Variants in TANC1 observed in about 807,000 individuals in gnomAD.
The protein encoded by TANC1 is tetratricopeptide repeat, ankyrin repeat and coiled-coil containing 1.
A neutral mutation model predicts 149.7 loss-of-function variants in TANC1; 77 were observed. The ratio of observed to expected loss-of-function variants is 0.51; its 90% confidence interval spans 0.43 to 0.62. TANC1 has a LOEUF of 0.62. Among genes scored for constraint, TANC1 ranks in the 20% least tolerant of loss-of-function variants. The probability of loss-of-function intolerance (pLI) is 0.00; values close to 1 mark genes in which losing one functional copy is unlikely to be tolerated. For missense variants in TANC1, 1,985 were observed against 2,321.8 expected, an observed-to-expected ratio of 0.85 and a Z score of 2.98; for synonymous variants, 854 against 925.0, an observed-to-expected ratio of 0.92 and a Z score of 1.39.
intron 19 of TANC1, among the ~76,000 whole-genome samples, chr2:159,206,726 T>G (rs934837560): frequency 6.6e-6 from 1 of 152,222 alleles, no homozygotes; most frequent in African/African-American, 2.4e-5. Context: ...TTCTGTGTTT[T>G]GGGGGCCAGA....
At chr2:159,185,551 G>T (rs990515794) in intron 14 of TANC1, among the ~76,000 whole-genome samples, 1 of 152,228 alleles carries the variant, frequency 6.6e-6, no homozygotes, top group Non-Finnish European at 1.5e-5. Context: ...TAGGCCCAGG[G>T]ATGGTTCTGT....
chr2:159,230,576 G>C lies in TANC1; in HGVS notation c.5150G>C (p.Arg1717Thr), dbSNP rs1273041984. The C allele has an allele frequency of 1.2e-6, 2 of 1,614,196 alleles. No homozygotes were observed. The highest frequency in any genetic ancestry group is 1.1e-5 in the South Asian group (1 of 91,088). The change falls in exon 27 of 27, where the codon AGA (arginine) becomes ACA (threonine). Residue 1717 changes from arginine to threonine, a missense_variant. Arg to Thr is a moderately conservative substitution (Grantham distance 71). This residue lies in a region of TANC1 where 920 missense variants were observed against 994.7 expected (regional missense o/e 0.92). Transcript: ENST00000263635. This position sits in a 1 kb window ranked among gnomAD's most constrained non-coding sequence, Gnocchi z 4.4. ...GTTCAGAGCGGTACAGCTGAGCACAGACCCCGCAACACGCCGTTCATGGGC... is the reference window on the plus strand; with the variant it reads ...GTTCAGAGCGGTACAGCTGAGCACACACCCCGCAACACGCCGTTCATGGGC... ...THVQSGTAEH[R>T]PRNTPFMGIM...
intron 3 of TANC1, among the ~76,000 whole-genome samples, chr2:159,083,882 T>C (rs1559226365): frequency 6.6e-6 from 1 of 152,194 alleles, no homozygotes; most frequent in Non-Finnish European, 1.5e-5. Flanking sequence ...GTGAATTTTT[T>C]TTTTTTTGGT....
intron 2 of TANC1, among the ~76,000 whole-genome samples, chr2:159,054,021 C>T (rs2041664436): frequency 6.6e-6 from 1 of 152,190 alleles, no homozygotes; most frequent in Non-Finnish European, 1.5e-5. Context: ...GCATGGGATG[C>T]TGCTCTAGGA....
chr2:159,091,970 G>GT (rs1559242378), intron 3 of TANC1, among the ~76,000 whole-genome samples: 1 of 148,856 alleles, frequency 6.7e-6, no homozygotes, highest in Non-Finnish European at 1.5e-5. Flanking sequence ...ATAGGGGGGG[G>GT]TGTGTGTGTG....
intron 4 of TANC1, among the ~76,000 whole-genome samples, chr2:159,129,420 A>G (rs2049840801): frequency 6.6e-6 from 1 of 152,212 alleles, no homozygotes; most frequent in Admixed American, 6.5e-5. Context: ...AGATTTATGT[A>G]AAGGCAGAAT....
chr2:158,997,329 C>A (rs1405635839), intron 1 of TANC1, among the ~76,000 whole-genome samples: 2 of 152,174 alleles, frequency 1.3e-5, no homozygotes, highest in Non-Finnish European at 2.9e-5. Context: ...AAAGCTAGAA[C>A]GAACCTTGTG....
intron 3 of TANC1, among the ~76,000 whole-genome samples, chr2:159,079,346 CTTTTTTTTT>C (rs68143585): frequency 4.5e-5 from 5 of 109,920 alleles, no homozygotes; most frequent in Admixed American, 4.1e-4. Flanking sequence ...GTGTGTGTGT[CTTTTTTTTT>C]TTTTTTTTTT....
At chr2:159,091,294 G>A (rs1473325687) in intron 3 of TANC1, among the ~76,000 whole-genome samples, 3 of 152,086 alleles carry the variant, frequency 2.0e-5, no homozygotes, top group African/African-American at 7.2e-5. Context: ...TCTGAAAAGG[G>A]GGCTAATAGC....
chr2:158,977,543 T>C (rs1321245657), intron 1 of TANC1, among the ~76,000 whole-genome samples: 2 of 151,902 alleles, frequency 1.3e-5, no homozygotes, highest in African/African-American at 4.8e-5. Flanking sequence ...ACTCCTGAGC[T>C]CAAGTGATCT....
intron 2 of TANC1, among the ~76,000 whole-genome samples, chr2:159,051,110 G>A (rs758445398): frequency 3.3e-5 from 5 of 152,130 alleles, no homozygotes; most frequent in African/African-American, 7.2e-5. Flanking sequence ...TACATCCACC[G>A]TCTCTAATTC....
rs1211731959 is a variant in TANC1, at chr2:159,219,832, T to C, written c.3643T>C (p.Leu1215=). Residue 1215 remains leucine, a synonymous_variant, in exon 22 of 27, where the codon TTG becomes CTG. Transcript: ENST00000263635. ...GACAGACAAGAATGGCCGCACACCC[T>C]TGGACCTGGCTGCCTTCTATGGCGA... ...DQTDKNGRTP[L]DLAAFYGDAE... is the part of the protein sequence containing the mutation. The C allele has an allele frequency of 1.2e-6, 2 of 1,613,610 alleles. No homozygotes were observed. Among genetic ancestry groups the C allele is most frequent in the Admixed American group, 1.7e-5 (1 of 60,026 alleles).
chr2:159,136,247 G>T lies in TANC1; in HGVS notation c.313G>T (p.Val105Phe). 1 of 1,613,710 alleles carries T rather than the reference G, an allele frequency of 6.2e-7. No homozygotes were observed. Among genetic ancestry groups the T allele is most frequent in the Non-Finnish European group, 8.5e-7 (1 of 1,179,602 alleles). Residue 105 changes from valine (V) to phenylalanine (F), a missense_variant, in exon 5 of 27, where the codon GTT (valine) becomes TTT (phenylalanine). By Grantham distance (50) the Val-to-Phe change is conservative. Around this residue, in one of 3 missense-constraint regions of TANC1, gnomAD observed 557 missense variants for 612.9 expected, o/e 0.91. Transcript: ENST00000263635. ...AAGCCCCAGAGTGCCTGGAGATGCA[G>T]TTATAATGCCATTCAGAGAAGTAGC... ...VESPRVPGDA[V>F]IMPFREVAKP...
chr2:159,138,884 T>G (rs993502451), intron 5 of TANC1, among the ~76,000 whole-genome samples: 2 of 152,228 alleles, frequency 1.3e-5, no homozygotes, highest in Admixed American at 1.3e-4. Flanking sequence ...GTCATGTAGC[T>G]CCATCAACTC....
chr2:158,974,150 G>A (rs1003683143), intron 1 of TANC1, among the ~76,000 whole-genome samples: 9 of 152,242 alleles, frequency 5.9e-5, no homozygotes, highest in Middle Eastern at 3.4e-3. Context: ...TCTGTGTTCT[G>A]GTCCTCCTTG....
intron 5 of TANC1, chr2:159,148,793 C>G (rs188560577): frequency 1.4e-4 from 23 of 168,708 alleles, no homozygotes; most frequent in Non-Finnish European, 2.7e-4. Flanking sequence ...GCATTGGACA[C>G]CCGGCACTCT....
chr2:158,980,566 G>A (rs1229834587), intron 1 of TANC1, among the ~76,000 whole-genome samples: 1 of 152,070 alleles, frequency 6.6e-6, no homozygotes, highest in Admixed American at 6.5e-5. Flanking sequence ...CACGAGGTCA[G>A]GAGATTGAGA....
At chr2:159,029,821 A>G (rs945693148) in intron 2 of TANC1, among the ~76,000 whole-genome samples, 6 of 152,024 alleles carry the variant, frequency 3.9e-5, no homozygotes, top group South Asian at 2.1e-4. Context: ...TCAGCTTCCC[A>G]AGTAGCTAGG....
chr2:159,137,860 C>T (rs1338159059), intron 5 of TANC1, among the ~76,000 whole-genome samples: 1 of 152,224 alleles, frequency 6.6e-6, no homozygotes, highest in Admixed American at 6.5e-5. Flanking sequence ...CTCTTCCTCC[C>T]TGGCTGGGAG....
Sources: gnomAD v4.1 joint callset for allele counts (sites outside exome capture counted in the v4.1 genomes callset) on GRCh38, gnomAD v4.1.1 for gene constraint, gnomAD v4.1.1 regional missense constraint, Gnocchi (gnomAD v3.1) non-coding constraint, MANE v1.5 for transcripts, NCBI Gene and HGNC (gene_info 2026-07-23, HGNC 2026-07-21) for gene names.